The following SUPT3H variants were observed in gnomAD, a reference collection of about 807,000 sequenced individuals.
The protein encoded by SUPT3H is SPT3 homolog, SAGA and STAGA complex component, also known as transcription initiation protein SPT3 homolog.
SUPT3H carries 44 observed loss-of-function variants against 44.3 expected under a neutral mutation model. The ratio of observed to expected loss-of-function variants is 0.99; its 90% CI spans 0.78 to 1.28. The LOEUF (loss-of-function observed/expected upper bound fraction) is 1.28, where lower values mean the gene tolerates loss of function less well. Ranked by LOEUF, SUPT3H falls within the 50% of genes most tolerant of loss-of-function variation. The pLI is 0.00. For synonymous variants in SUPT3H, 124 were observed against 125.6 expected (o/e 0.99, Z 0.09); for missense variants, 380 against 387.1 (o/e 0.98, Z 0.15).
At chr6:45,092,577 C>G (rs1797268884) in intron 3 of SUPT3H, among the ~76,000 whole-genome samples, 1 of 151,898 alleles carries the variant, frequency 6.6e-6, no homozygotes, top group Admixed American at 6.6e-5. Context: ...TGGTGAAACC[C>G]TGCCTCTACT....
intron 10 of SUPT3H, among the ~76,000 whole-genome samples, chr6:44,887,994 T>TA (rs755923331): frequency 6.6e-6 from 1 of 152,146 alleles, no homozygotes; most frequent in Non-Finnish European, 1.5e-5. Context: ...CAAACACCTC[T>TA]ACACAAATAA....
intron 2 of SUPT3H, among the ~76,000 whole-genome samples, chr6:45,196,895 A>T (rs1017358693): frequency 6.6e-6 from 1 of 151,742 alleles, no homozygotes; most frequent in African/African-American, 2.4e-5. Flanking sequence ...TTATTTTTTT[A>T]AAACCCTGTC....
intron 10 of SUPT3H, among the ~76,000 whole-genome samples, chr6:44,885,465 C>T (rs1342456441): frequency 2.6e-5 from 4 of 152,224 alleles, no homozygotes; most frequent in Admixed American, 6.5e-5. Context: ...CACAAAAATC[C>T]GCTGTTCTGC....
chr6:45,167,493 A>G (rs1402898605), intron 2 of SUPT3H, among the ~76,000 whole-genome samples: 1 of 152,226 alleles, frequency 6.6e-6, no homozygotes, highest in Non-Finnish European at 1.5e-5. Context: ...TAGTAAGGCC[A>G]ATTGAAGGCC....
intron 3 of SUPT3H, among the ~76,000 whole-genome samples, chr6:45,103,583 T>C (rs937168745): frequency 6.6e-6 from 1 of 151,614 alleles, no homozygotes; most frequent in Non-Finnish European, 1.5e-5. Flanking sequence ...AATAGTAAAC[T>C]TAAAGGTAAA....
intron 5 of SUPT3H, among the ~76,000 whole-genome samples, chr6:45,004,337 C>T (rs1782413795): frequency 6.6e-6 from 1 of 151,526 alleles, no homozygotes; most frequent in African/African-American, 2.4e-5. Context: ...ATGAATAACA[C>T]AAAGGAAATC....
At chr6:44,918,049 T>G (rs672627) in intron 10 of SUPT3H, among the ~76,000 whole-genome samples, 11,278 of 152,058 alleles carry the variant, frequency 0.074, 1,391 homozygotes, top group African/African-American at 0.26. Context: ...AAATGACCAA[T>G]GTATCTCTAG....
intron 1 of SUPT3H, among the ~76,000 whole-genome samples, chr6:45,376,729 C>T (rs907470863): frequency 6.6e-6 from 1 of 152,218 alleles, no homozygotes; most frequent in Admixed American, 6.5e-5. Context: ...CTCTTTGAAA[C>T]ATTCACCAGA....
intron 6 of SUPT3H, among the ~76,000 whole-genome samples, chr6:44,992,267 T>C (rs1780708885): frequency 6.6e-6 from 1 of 152,156 alleles, no homozygotes; most frequent in Non-Finnish European, 1.5e-5. Flanking sequence ...CAGAAAATAT[T>C]GAGTGATTCT....
intron 10 of SUPT3H, among the ~76,000 whole-genome samples, chr6:44,904,971 A>G (rs1006908320): frequency 6.6e-6 from 1 of 152,232 alleles, no homozygotes; most frequent in Non-Finnish European, 1.5e-5. Flanking sequence ...GGCCATATGT[A>G]GAAAGCTGAA....
chr6:45,078,119 C>T (rs572062434), intron 3 of SUPT3H, among the ~76,000 whole-genome samples: 15 of 152,228 alleles, frequency 9.9e-5, no homozygotes, highest in African/African-American at 2.9e-4. Context: ...GTGATCTGCC[C>T]GCCTTGGCCT....
At chr6:44,819,431 GT>G (rs1767125981) in intron 11 of SUPT3H, among the ~76,000 whole-genome samples, 1 of 151,496 alleles carries the variant, frequency 6.6e-6, no homozygotes, top group African/African-American at 2.4e-5. Flanking sequence ...TCACTAAATT[GT>G]GCTGTACATA....
intron 2 of SUPT3H, among the ~76,000 whole-genome samples, chr6:45,275,976 C>A (rs1216520756): frequency 6.6e-6 from 1 of 151,902 alleles, no homozygotes; most frequent in Non-Finnish European, 1.5e-5. Context: ...TATCTTTTTT[C>A]TATTCCCTTC....
In SUPT3H at chr6:45,266,088, C is replaced by G. The variant is rs112368521; in HGVS notation, c.101+99113G>C. Among the ~76,000 whole-genome samples the G allele has an allele frequency of 9.1e-3, 1,376 of 152,024 alleles. 14 individuals are homozygous for G. Among genetic ancestry groups the G allele is most frequent in the South Asian group, 0.028 (137 of 4,822 alleles). On this transcript the variant is annotated intron_variant, in intron 2 of 10. Coordinates refer to ENST00000371459, the MANE Select transcript of SUPT3H (RefSeq NM_003599.4). The stretch of plus-strand genomic sequence containing the variant: ...AAAAGTAACATTTGAGAAAAATACA[C>G]TAGCCTGAATTGACCTCAATCAGTT...
chr6:45,259,326 T>C (rs1773956262), intron 2 of SUPT3H, among the ~76,000 whole-genome samples: 1 of 152,140 alleles, frequency 6.6e-6, no homozygotes, highest in Non-Finnish European at 1.5e-5. Context: ...ATCATGTAAT[T>C]ATAATAATGA....
At chr6:45,278,575 T>C (rs547082965) in intron 2 of SUPT3H, among the ~76,000 whole-genome samples, 1 of 152,346 alleles carries the variant, frequency 6.6e-6, no homozygotes, top group Non-Finnish European at 1.5e-5. Flanking sequence ...TTATGACAAC[T>C]AGCGAACTAG....
chr6:44,822,492 TTC>T (rs1483149567), downstream of SUPT3H, among the ~76,000 whole-genome samples: 5 of 152,222 alleles, frequency 3.3e-5, no homozygotes, highest in African/African-American at 1.2e-4. Context: ...TAGTTTGTAA[TTC>T]TTTTTCAAGA....
chr6:45,138,122 C>G (rs942886502), intron 2 of SUPT3H, among the ~76,000 whole-genome samples: 3 of 151,970 alleles, frequency 2.0e-5, no homozygotes, highest in African/African-American at 4.8e-5. Flanking sequence ...CAGTATTAGT[C>G]ATTAAGAACA....
intron 10 of SUPT3H, among the ~76,000 whole-genome samples, chr6:44,918,760 A>G (rs574474860): frequency 2.1e-4 from 32 of 152,330 alleles, no homozygotes; most frequent in African/African-American, 7.2e-4. Context: ...TCATTTATAA[A>G]ATTTTTAAGG....
Sources: allele counts gnomAD v4.1 joint callset (sites outside exome capture counted in the v4.1 genomes callset), GRCh38; gene constraint gnomAD v4.1.1; transcripts MANE v1.5; gene names NCBI Gene and HGNC (gene_info 2026-07-23, HGNC 2026-07-21).